Variants in TBCD observed in about 807,000 individuals in gnomAD.
TBCD encodes tubulin-specific chaperone D.
Under a neutral mutation model 169.3 loss-of-function variants are expected in TBCD, and 105 were observed. That is an observed-to-expected ratio of 0.62 (90% CI 0.53 to 0.73). TBCD has a LOEUF of 0.73. Among genes scored for constraint, TBCD ranks in the 30% least tolerant of loss-of-function variants. The pLI is 0.00. For missense variants in TBCD, 1,444 were observed against 1,600.1 expected (o/e 0.90, Z 1.66); for synonymous variants, 700 against 643.9 (o/e 1.09, Z -1.32).
At chr17:82,794,731 T>A (rs1262217705) in intron 7 of TBCD, among the ~76,000 whole-genome samples, 1 of 152,228 alleles carries the variant, frequency 6.6e-6, no homozygotes, top group Non-Finnish European at 1.5e-5. Context: ...AGCCCTGTCT[T>A]CATTGACTCG....
intron 25 of TBCD, among the ~76,000 whole-genome samples, chr17:82,921,965 T>C (rs2061443075): frequency 6.6e-6 from 1 of 152,236 alleles, no homozygotes; most frequent in East Asian, 1.9e-4. Context: ...GGACCTCTGC[T>C]CGCACACATT....
chr17:82,764,344 T>A (rs2047918024), intron 3 of TBCD, among the ~76,000 whole-genome samples: 1 of 152,150 alleles, frequency 6.6e-6, no homozygotes, highest in Admixed American at 6.5e-5. Flanking sequence ...TCAGAAAAAC[T>A]TCTTACAAGG....
At chr17:82,926,250 G>A (rs1315607770) in intron 27 of TBCD, 150 bp from the exon 28 acceptor site, 6 of 707,002 alleles carry the variant, frequency 8.5e-6, no homozygotes, top group African/African-American at 5.3e-5. Context: ...GGTTGTACCA[G>A]GGGCCATGGA....
At chr17:82,816,818 G>A (rs890573134) in intron 13 of TBCD, among the ~76,000 whole-genome samples, 8 of 146,652 alleles carry the variant, frequency 5.5e-5, no homozygotes, top group African/African-American at 2.0e-4. Flanking sequence ...GAATACAGGC[G>A]TGAGCCACCA....
intron 6 of TBCD, among the ~76,000 whole-genome samples, chr17:82,774,266 T>C (rs2048450945): frequency 6.6e-6 from 1 of 152,172 alleles, no homozygotes; most frequent in African/African-American, 2.4e-5. Context: ...AGGAGCATGC[T>C]GCCTTCAAGC....
intron 19 of TBCD, 47 bp from the exon 20 acceptor site, chr17:82,905,889 C>A (rs775108356): frequency 6.7e-7 from 1 of 1,490,630 alleles, no homozygotes; most frequent in Non-Finnish European, 9.2e-7. Context: ...CACAGGCCGT[C>A]CACATGTACA....
chr17:82,766,350 G>A lies in TBCD; in HGVS notation c.417G>A (p.Gln139=), dbSNP rs2143996132. The A allele has an allele frequency of 8.7e-6, 14 of 1,612,370 alleles. No homozygotes were observed. The highest frequency in any genetic ancestry group is 1.1e-5 in the Non-Finnish European group (13 of 1,179,164). ...VEPVLDLVTI[Q]NPKDHEAWET... ...CTGTTTTAGATTTGGTCACAATTCA[G>A]AATCCCAAGGACCATGAAGTGAGTG... The change falls in exon 4 of 39, where the codon CAG becomes CAA. Residue 139 remains glutamine, a synonymous_variant. Transcript: ENST00000355528.
intron 13 of TBCD, among the ~76,000 whole-genome samples, chr17:82,863,012 C>G (rs765873291): frequency 6.6e-6 from 1 of 152,162 alleles, no homozygotes; most frequent in African/African-American, 2.4e-5. Context: ...GGAATGTAGC[C>G]GTCCGCCTTT....
intron 13 of TBCD, among the ~76,000 whole-genome samples, chr17:82,849,219 G>A (rs1228901919): frequency 8.0e-6 from 1 of 124,398 alleles, no homozygotes; most frequent in Non-Finnish European, 1.6e-5. Context: ...TGCCTGCTGC[G>A]TCTTCTCCAC....
At chr17:82,754,120 C>A (rs2047275577) in intron 1 of TBCD, among the ~76,000 whole-genome samples, 1 of 151,878 alleles carries the variant, frequency 6.6e-6, no homozygotes, top group Admixed American at 6.6e-5. Flanking sequence ...CGTGATCCAC[C>A]CGCCTCAGCC....
intron 14 of TBCD, among the ~76,000 whole-genome samples, chr17:82,875,107 G>C (rs981130240): frequency 4.6e-5 from 7 of 152,138 alleles, no homozygotes; most frequent in African/African-American, 1.7e-4. Context: ...AAAGAAACTT[G>C]GATTAACTGT....
In TBCD at chr17:82,924,988, G is replaced by A; in HGVS notation, c.2310G>A (p.Met770Ile). The change falls in exon 27 of 39, where the codon ATG becomes ATA. Residue 770 changes from methionine to isoleucine, a missense_variant. By Grantham distance (10) the Met-to-Ile change is conservative. Transcript: ENST00000355528. ...YLAELRNPEE[M>I]TRCGFSLALG... ...CTGAGCTTCGGAACCCCGAGGAGAT[G>A]ACTCGCTGTGGCTTCTCGTTGGCCT... The A allele has an allele frequency of 6.3e-7, 1 of 1,575,918 alleles. No individual in the cohort carries two copies. The highest frequency in any genetic ancestry group is 8.6e-7 in the Non-Finnish European group (1 of 1,159,550).
intron 16 of TBCD, among the ~76,000 whole-genome samples, chr17:82,891,095 C>T (rs2059105565): frequency 6.6e-6 from 1 of 152,232 alleles, no homozygotes; most frequent in Admixed American, 6.5e-5. Context: ...GCGCACTCCG[C>T]CATCACTCTG....
intron 7 of TBCD, among the ~76,000 whole-genome samples, chr17:82,791,888 C>A (rs2049759417): frequency 1.3e-5 from 2 of 151,678 alleles, no homozygotes; most frequent in Admixed American, 1.3e-4. Context: ...CTGCTGCACT[C>A]CCAGGCCAGG....
At chr17:82,862,728 G>A (rs1362943327) in intron 13 of TBCD, among the ~76,000 whole-genome samples, 4 of 152,348 alleles carry the variant, frequency 2.6e-5, no homozygotes, top group Non-Finnish European at 4.4e-5. Context: ...ACTGTCTTCT[G>A]CCGTGAGTTG....
intron 13 of TBCD, among the ~76,000 whole-genome samples, chr17:82,828,511 C>CA (rs2053146470): frequency 6.8e-6 from 1 of 147,262 alleles, no homozygotes; most frequent in African/African-American, 2.5e-5. Flanking sequence ...TGCACCCCCC[C>CA]CGCAGATATG....
In TBCD at chr17:82,903,036, A is replaced by T. The variant is rs2059994252; in HGVS notation, c.1731-369A>T. On this transcript the variant is annotated intron_variant, in intron 18 of 38. Transcript: ENST00000355528. The surrounding 1 kb of genome is among the most constrained non-coding windows in gnomAD (Gnocchi z 4.8). ...CAGATTTGGTGGGTGAGCCTCAGGA[A>T]ATTCCTTCTGTTCACCCCTTGTAAT... Among the ~76,000 whole-genome samples the T allele has an allele frequency of 3.3e-5, 5 of 152,108 alleles. No individual in the cohort carries two copies. Among genetic ancestry groups the T allele is most frequent in the Admixed American group, 3.3e-4 (5 of 15,280 alleles).
Position 82,860,379 on chromosome 17 carries a change from TC to T in TBCD, c.1319-9842del, listed in dbSNP as rs1300252358. On this transcript the variant is annotated intron_variant, in intron 13 of 38. Transcript: ENST00000355528. ...AGGGGCAGGAACTGACTGGCTCTTTTCCCTGTGGTGGCTGCTCGGGTGGCAG... is the reference window on the plus strand; with the variant it reads ...AGGGGCAGGAACTGACTGGCTCTTTTCCTGTGGTGGCTGCTCGGGTGGCAG... 4 of 985,480 alleles carry T rather than the reference TC, an allele frequency of 4.1e-6. No homozygotes were observed. In the African/African-American group the frequency reaches 7.0e-5, roughly 17 times the overall value. 61.0% of individuals were successfully genotyped at this position (985,480 alleles called of 1,614,324 possible).
intron 7 of TBCD, among the ~76,000 whole-genome samples, chr17:82,790,779 A>G (rs1483269048): frequency 6.6e-6 from 1 of 152,078 alleles, no homozygotes; most frequent in Non-Finnish European, 1.5e-5. Context: ...ACAGTGGATA[A>G]CCACATCCAC....
Sources: allele counts gnomAD v4.1 joint callset (sites outside exome capture counted in the v4.1 genomes callset), GRCh38; gene constraint gnomAD v4.1.1; non-coding constraint Gnocchi (gnomAD v3.1); transcripts MANE v1.5; gene names NCBI Gene and HGNC (gene_info 2026-07-23, HGNC 2026-07-21).